Variants in PRKCB observed in about 807,000 individuals in gnomAD.
PRKCB encodes the protein protein kinase C beta.
A neutral mutation model predicts 81.5 loss-of-function variants in PRKCB; 13 were observed. The ratio of observed to expected loss-of-function variants is 0.16; its 90% confidence interval spans 0.10 to 0.25. PRKCB has a LOEUF of 0.25. PRKCB is among the 10% of genes least tolerant of loss of function. The pLI, the probability that PRKCB is intolerant of heterozygous loss-of-function variation, is 1.00. For missense variants in PRKCB, 509 were observed against 875.7 expected (o/e 0.58, Z 5.29); for synonymous variants, 335 against 321.4 (o/e 1.04, Z -0.45).
At chr16:23,957,258 G>T (rs1964361913) in intron 2 of PRKCB, among the ~76,000 whole-genome samples, 1 of 152,170 alleles carries the variant, frequency 6.6e-6, no homozygotes, top group Non-Finnish European at 1.5e-5. Flanking sequence ...GGACATGTCA[G>T]GGAGTTTTTG....
intron 2 of PRKCB, among the ~76,000 whole-genome samples, chr16:23,847,069 A>G (rs1962382144): frequency 6.6e-6 from 1 of 152,110 alleles, no homozygotes; most frequent in South Asian, 2.1e-4. Context: ...GGAACTGGCT[A>G]AGTAGATGGA....
chr16:24,040,025 T>C (rs1965679974), intron 5 of PRKCB, among the ~76,000 whole-genome samples: 1 of 152,222 alleles, frequency 6.6e-6, no homozygotes, highest in Non-Finnish European at 1.5e-5. Context: ...GATTTTCCAC[T>C]GACCATCAGC....
intron 2 of PRKCB, among the ~76,000 whole-genome samples, chr16:23,905,200 G>A (rs1008654): frequency 6.6e-6 from 1 of 152,124 alleles, no homozygotes; most frequent in Non-Finnish European, 1.5e-5. Context: ...CTGAGCTGGC[G>A]AGGAATGCAC....
chr16:24,058,405 A>G (rs1368299392), intron 5 of PRKCB, among the ~76,000 whole-genome samples: 2 of 152,016 alleles, frequency 1.3e-5, no homozygotes, highest in African/African-American at 2.4e-5. Flanking sequence ...TTGCTGAGTA[A>G]ATGGCTAAAT....
chr16:23,852,134 G>T (rs765330937), intron 2 of PRKCB, among the ~76,000 whole-genome samples: 1 of 151,974 alleles, frequency 6.6e-6, no homozygotes. Context: ...AATTACTCTG[G>T]CTGGGACTTC....
At chr16:24,132,000 A>C (rs565526827) in intron 9 of PRKCB, among the ~76,000 whole-genome samples, 18 of 152,192 alleles carry the variant, frequency 1.2e-4, no homozygotes, top group Non-Finnish European at 2.6e-4. Context: ...CCTTCAAATA[A>C]GGAATATGCG....
chr16:23,983,776 C>G (rs1444366594), intron 2 of PRKCB, among the ~76,000 whole-genome samples: 1 of 151,658 alleles, frequency 6.6e-6, no homozygotes, highest in African/African-American at 2.4e-5. Context: ...AGTGCAGTGG[C>G]GTGATCTCGG....
At position 24,171,108 on chromosome 16, in the gene PRKCB, A is replaced by T. The variant is rs548135707; in HGVS notation, c.1240-1162A>T. Among the ~76,000 whole-genome samples, 3 of 152,318 alleles carry T rather than the reference A, an allele frequency of 2.0e-5. No homozygotes were observed. The East Asian group carries it at 5.8e-4, about 29-fold the overall frequency. Reference sequence around the variant, plus strand: ...CAGTGGCTTAAAACAATAAGCATTTATTATCTCAGTTTCTGTGGGGCAGGA... The same window carrying T: ...CAGTGGCTTAAAACAATAAGCATTTTTTATCTCAGTTTCTGTGGGGCAGGA... On this transcript the variant is annotated intron_variant, in intron 10 of 16. Transcript: ENST00000643927.
intron 2 of PRKCB, among the ~76,000 whole-genome samples, chr16:23,971,062 A>G: frequency 6.6e-6 from 1 of 152,248 alleles, no homozygotes; most frequent in East Asian, 1.9e-4. Context: ...TGTGAAGGTT[A>G]CATATACATG....
intron 2 of PRKCB, among the ~76,000 whole-genome samples, chr16:23,891,102 T>A (rs537436193): frequency 3.4e-5 from 5 of 149,016 alleles, no homozygotes; most frequent in African/African-American, 1.2e-4. Flanking sequence ...AGTGGAGTGA[T>A]CATGGCTCAC....
At chr16:23,973,067 A>G (rs915289205) in intron 2 of PRKCB, among the ~76,000 whole-genome samples, 6 of 152,196 alleles carry the variant, frequency 3.9e-5, no homozygotes, top group Non-Finnish European at 8.8e-5. Context: ...TGAAAATAAT[A>G]AAGTGGCTTG....
chr16:24,134,674 G>C (rs1033195561), intron 9 of PRKCB, among the ~76,000 whole-genome samples: 1 of 152,146 alleles, frequency 6.6e-6, no homozygotes, highest in Non-Finnish European at 1.5e-5. Context: ...ACCTGAACCT[G>C]GGAGTCAGAG....
chr16:24,147,648 C>T (rs1051966988), intron 9 of PRKCB, among the ~76,000 whole-genome samples: 1 of 152,188 alleles, frequency 6.6e-6, no homozygotes, highest in African/African-American at 2.4e-5. Context: ...TATTCCAGCA[C>T]TGATTTGCTC....
Position 24,023,331 on chromosome 16 carries a change from C to G in PRKCB, c.289-8805C>G, listed in dbSNP as rs374473105. ...TTGGTCAATACCCACAGCATCAAGG[C>G]TAGGAAGGGAATGTATTTTGGTTAA... On this transcript the variant is annotated intron_variant, in intron 3 of 16. Coordinates refer to ENST00000643927, the MANE Select transcript of PRKCB (RefSeq NM_002738.7). Among the ~76,000 whole-genome samples, 9 of 152,258 alleles carry G rather than the reference C, an allele frequency of 5.9e-5. No individual in the cohort carries two copies. The East Asian group carries it at 1.7e-3, about 30-fold the overall frequency.
Position 24,219,310 on chromosome 16 carries a change from G to T in PRKCB, c.*4494G>T. On this transcript the variant is annotated 3_prime_UTR_variant, in exon 17 of 17. Coordinates refer to ENST00000643927, the MANE Select transcript of PRKCB (RefSeq NM_002738.7). ...TTACACACCCTCCTTTAAGCTTTGGGTTTTCTCTCTTATAGTTTGTTGACA... is the reference window on the plus strand; with the variant it reads ...TTACACACCCTCCTTTAAGCTTTGGTTTTTCTCTCTTATAGTTTGTTGACA... 1.0e-6 allele frequency: 1 copy of T among 971,220 alleles called. No individual in the cohort carries two copies. Among genetic ancestry groups the T allele is most frequent in the Non-Finnish European group, 1.2e-6 (1 of 826,636 alleles). 60.2% of individuals were successfully genotyped at this position (971,220 alleles called of 1,614,324 possible).
chr16:24,160,956 C>T (rs781780554), intron 10 of PRKCB, among the ~76,000 whole-genome samples: 12 of 151,844 alleles, frequency 7.9e-5, no homozygotes, highest in Non-Finnish European at 1.3e-4. Context: ...GGTGTCGCCC[C>T]GGTGGATTGT....
chr16:24,190,999 C>A, intron 15 of PRKCB, 91 bp from the exon 16 acceptor site: 1 of 1,427,622 alleles, frequency 7.0e-7, no homozygotes, highest in Non-Finnish European at 9.5e-7. Context: ...TTTGCGCTTT[C>A]TTTCCTAATG....
At chr16:23,900,696 A>T (rs1597235868) in intron 2 of PRKCB, among the ~76,000 whole-genome samples, 1 of 118,906 alleles carries the variant, frequency 8.4e-6, no homozygotes, top group Admixed American at 9.2e-5. Flanking sequence ...GAGCAGCCTC[A>T]TTCATTTTAA....
Position 24,219,250 on chromosome 16 carries a change from G to GT in PRKCB, c.*4438dup, listed in dbSNP as rs1555503374. ...AATCGAGTTGCTTTGAGTTTCTTTT[G>GT]TTTTGTTTTGTTTTGTTTTGTTTTA... On this transcript the variant is annotated 3_prime_UTR_variant, in exon 17 of 17. Coordinates refer to ENST00000643927, the MANE Select transcript of PRKCB (RefSeq NM_002738.7). 4 of 969,304 alleles carry GT rather than the reference G, an allele frequency of 4.1e-6. No homozygotes were observed. Among genetic ancestry groups the GT allele is most frequent in the African/African-American group, 1.8e-5 (1 of 56,810 alleles). The allele number at this position is 969,304 out of a possible 1,614,324, so 60.0% of individuals were successfully genotyped here.
Sources: allele counts gnomAD v4.1 joint callset (sites outside exome capture counted in the v4.1 genomes callset), GRCh38; gene constraint gnomAD v4.1.1; transcripts MANE v1.5; gene names NCBI Gene and HGNC (gene_info 2026-07-23, HGNC 2026-07-21).